Variants in WWC2 observed in about 807,000 individuals in gnomAD.
WWC2 encodes the protein WW and C2 domain containing 2, also known as protein WWC2.
WWC2 carries 101 observed loss-of-function variants against 138.5 expected under a neutral mutation model. The ratio of observed to expected loss-of-function variants is 0.73; its 90% CI spans 0.62 to 0.86. The LOEUF (loss-of-function observed/expected upper bound fraction) is 0.86. Among genes scored for constraint, WWC2 ranks in the 40% least tolerant of loss-of-function variants. The pLI, the probability that WWC2 is intolerant of heterozygous loss-of-function variation, is 0.00. For synonymous variants in WWC2, 558 were observed against 538.4 expected (o/e 1.04, Z -0.50); for missense variants, 1,420 against 1,419.4 (o/e 1.00, Z -0.01).
chr4:183,253,917 G>C lies in WWC2; in HGVS notation c.1114G>C (p.Glu372Gln). Residue 372 changes from glutamate (E) to glutamine (Q), a missense_variant, in exon 9 of 23, where the codon GAA (glutamate) becomes CAA (glutamine). Physicochemically the swap from Glu to Gln is conservative, Grantham distance 29 (BLOSUM62 2). Transcript: ENST00000403733. ...TPQKRTQDEL[E>Q]RLEAERQRLE... ...ACAGAAACGTACCCAAGATGAATTAGAACGCCTAGAAGCTGAAAGGCAGCG... is the reference window on the plus strand; with the variant it reads ...ACAGAAACGTACCCAAGATGAATTACAACGCCTAGAAGCTGAAAGGCAGCG... The C allele has an allele frequency of 1.9e-6, 3 of 1,613,838 alleles. No homozygotes were observed. The highest frequency in any genetic ancestry group is 2.5e-6 in the Non-Finnish European group (3 of 1,179,834).
intron 10 of WWC2, among the ~76,000 whole-genome samples, chr4:183,260,527 A>C (rs1270925761): frequency 6.6e-6 from 1 of 152,186 alleles, no homozygotes; most frequent in Admixed American, 6.5e-5. Context: ...TAGTTTAGCT[A>C]TGTTTAGATA....
At chr4:183,164,336 TACATATATATA>T (rs1734061268) in intron 1 of WWC2, among the ~76,000 whole-genome samples, 2 of 760 alleles carry the variant, frequency 2.6e-3, no homozygotes, top group Non-Finnish European at 8.2e-3. Context: ...TATATATATA[TACATATATATA>T]TTATATATAC....
intron 1 of WWC2, among the ~76,000 whole-genome samples, chr4:183,115,445 C>G (rs953132551): frequency 6.6e-6 from 1 of 152,222 alleles, no homozygotes; most frequent in Admixed American, 6.5e-5. Context: ...TGAGAAATCT[C>G]CAAACTGCTT....
chr4:183,232,015 G>A (rs1044120909), intron 4 of WWC2, among the ~76,000 whole-genome samples: 4 of 152,144 alleles, frequency 2.6e-5, no homozygotes, highest in African/African-American at 9.7e-5. Context: ...ATAGAGAAAG[G>A]AAGAGAGTTA....
At chr4:183,277,289 G>A (rs1216369033) in intron 16 of WWC2, among the ~76,000 whole-genome samples, 2 of 151,180 alleles carry the variant, frequency 1.3e-5, no homozygotes, top group Non-Finnish European at 3.0e-5. Context: ...TTTCATCCAT[G>A]TCCCTACAAA....
chr4:183,154,350 C>T (rs1041835036), intron 1 of WWC2, among the ~76,000 whole-genome samples: 7 of 152,160 alleles, frequency 4.6e-5, no homozygotes, highest in Admixed American at 1.3e-4. Flanking sequence ...GAGCATCCAG[C>T]GATACCTGCT....
At position 183,259,672 on chromosome 4, in the gene WWC2, A is replaced by G. The variant is rs1344627670; in HGVS notation, c.1230A>G (p.Leu410=). 3 of 1,546,948 alleles carry G rather than the reference A, an allele frequency of 1.9e-6. No homozygotes were observed. The highest frequency in any genetic ancestry group is 2.0e-5 in the Admixed American group (1 of 50,262). The change falls in exon 10 of 23, where the codon CTA becomes CTG. Residue 410 remains leucine, a synonymous_variant. Coordinates refer to ENST00000403733, the MANE Select transcript of WWC2 (RefSeq NM_024949.6). ...TGGAAGAGAGAAGAAAAGAGCTGCTACAGAAACTTGAAGAAACTACTAAAT... is the reference window on the plus strand; with the variant it reads ...TGGAAGAGAGAAGAAAAGAGCTGCTGCAGAAACTTGAAGAAACTACTAAAT... ...LRLEERRKEL[L]QKLEETTKLT... is the part of the protein sequence containing the mutation.
intron 2 of WWC2, among the ~76,000 whole-genome samples, chr4:183,205,023 T>C (rs1286376315): frequency 1.3e-5 from 2 of 152,252 alleles, no homozygotes; most frequent in African/African-American, 4.8e-5. Context: ...TTTTGTCTAT[T>C]ATGAATAAAG....
chr4:183,250,961 T>TA (rs1238929341), intron 8 of WWC2, among the ~76,000 whole-genome samples: 2 of 152,182 alleles, frequency 1.3e-5, no homozygotes, highest in Non-Finnish European at 2.9e-5. Flanking sequence ...ATAAATACAA[T>TA]ATTCACCTCT....
chr4:183,233,080 A>G (rs1466790370), intron 4 of WWC2, among the ~76,000 whole-genome samples: 1 of 139,026 alleles, frequency 7.2e-6, no homozygotes, highest in African/African-American at 2.7e-5. Context: ...TCTCTTGGGT[A>G]TATGCCTTGA....
intron 5 of WWC2, 24 bp downstream of exon 5, chr4:183,240,286 A>T: frequency 6.6e-7 from 1 of 1,521,048 alleles, no homozygotes; most frequent in East Asian, 2.5e-5. Flanking sequence ...GACTGAATCA[A>T]CTTTAGAATA....
intron 1 of WWC2, among the ~76,000 whole-genome samples, chr4:183,103,727 G>A (rs189597300): frequency 1.3e-4 from 19 of 144,146 alleles, no homozygotes; most frequent in East Asian, 6.3e-4. Flanking sequence ...AACCTCCGCC[G>A]CCTGGGTTCA....
At chr4:183,233,397 TCCAC>T in intron 4 of WWC2, among the ~76,000 whole-genome samples, 1 of 152,120 alleles carries the variant, frequency 6.6e-6, no homozygotes, top group Non-Finnish European at 1.5e-5. Flanking sequence ...ACTCAGGTGA[TCCAC>T]CCACCTCCGC....
chr4:183,118,090 G>A lies in WWC2; in HGVS notation c.131+18468G>A, dbSNP rs146034611. Among the ~76,000 whole-genome samples, 234 of 152,320 alleles carry A rather than the reference G, an allele frequency of 1.5e-3. 1 individual carries two copies. The Middle Eastern group carries it at 0.017, about 11-fold the overall frequency. On this transcript the variant is annotated intron_variant, in intron 1 of 22. Coordinates refer to ENST00000403733, the MANE Select transcript of WWC2 (RefSeq NM_024949.6). The stretch of plus-strand genomic sequence containing the variant: ...TGGGATTACAGGAGTGAGCCACTGC[G>A]CCTGGCCGGTTATGGATATTTTTTT...
intron 21 of WWC2, among the ~76,000 whole-genome samples, chr4:183,301,361 A>G (rs1478857518): frequency 6.6e-6 from 1 of 152,238 alleles, no homozygotes. Flanking sequence ...CTCATCAATT[A>G]CAAAGTAATC....
At chr4:183,120,419 G>A (rs1332576420) in intron 1 of WWC2, among the ~76,000 whole-genome samples, 1 of 152,188 alleles carries the variant, frequency 6.6e-6, no homozygotes, top group Non-Finnish European at 1.5e-5. Flanking sequence ...TTATGAACTA[G>A]AACCATTTTG....
intron 22 of WWC2, among the ~76,000 whole-genome samples, chr4:183,313,981 A>G (rs1336875488): frequency 2.0e-5 from 3 of 151,896 alleles, no homozygotes; most frequent in Admixed American, 2.0e-4. Flanking sequence ...TTTAGGCATA[A>G]AGGGGAGAAG....
chr4:183,244,901 CGTTT>C (rs1580101660), intron 5 of WWC2, among the ~76,000 whole-genome samples: 1 of 151,866 alleles, frequency 6.6e-6, no homozygotes, highest in Non-Finnish European at 1.5e-5. Flanking sequence ...AAAAGACATG[CGTTT>C]GTTTGAGCCC....
chr4:183,289,436 C>T lies in WWC2; in HGVS notation c.3185C>T (p.Pro1062Leu). The T allele has an allele frequency of 6.2e-7, 1 of 1,612,300 alleles. No individual in the cohort carries two copies. The highest frequency in any genetic ancestry group is 1.3e-5 in the African/African-American group (1 of 75,036). The change falls in exon 21 of 23, where the codon CCA becomes CTA. Residue 1062 changes from proline to leucine, a missense_variant. Coordinates refer to ENST00000403733, the MANE Select transcript of WWC2 (RefSeq NM_024949.6). ...SVLRRTTQEC[P>L]VRTSLDLELD... ...CTTAGAAGAACAACACAGGAATGCC[C>T]AGTGCGGACATCTCTAGACTTAGAA...
Sources: allele counts gnomAD v4.1 joint callset (sites outside exome capture counted in the v4.1 genomes callset), GRCh38; gene constraint gnomAD v4.1.1; transcripts MANE v1.5; gene names NCBI Gene and HGNC (gene_info 2026-07-23, HGNC 2026-07-21).